The following RANBP3 variants were observed in gnomAD, a reference collection of about 807,000 sequenced individuals.
RANBP3 encodes ran-binding protein 3.
In RANBP3, 14 loss-of-function variants were observed where a neutral mutation model predicts 77.3. That is an observed-to-expected ratio of 0.18 (90% CI 0.12 to 0.28). The LOEUF (loss-of-function observed/expected upper bound fraction) is 0.28, where lower values mean the gene tolerates loss of function less well. RANBP3 is among the 10% of genes least tolerant of loss of function. RANBP3 has a pLI of 1.00. For missense variants in RANBP3, 586 were observed against 752.3 expected (o/e 0.78, Z 2.59); for synonymous variants, 315 against 312.4 (o/e 1.01, Z -0.09).
intron 3 of RANBP3, 88 bp downstream of exon 3, chr19:5,951,305 C>T (rs774322871): frequency 4.9e-6 from 6 of 1,229,836 alleles, no homozygotes; most frequent in Non-Finnish European, 7.0e-6. Context: ...TTAGCTAGGG[C>T]CAGGATCTGA....
chr19:5,928,233 C>A, intron 8 of RANBP3, 146 bp from the exon 9 acceptor site: 2 of 945,848 alleles, frequency 2.1e-6, no homozygotes, highest in Non-Finnish European at 3.1e-6. Context: ...AAGGCTGAGA[C>A]AGGAGGACTG....
At chr19:5,957,868 G>A (rs766743704) in intron 2 of RANBP3, 50 bp downstream of exon 2, 1 of 1,598,220 alleles carries the variant, frequency 6.3e-7, no homozygotes, top group South Asian at 1.1e-5. Context: ...TCAGTAAAGA[G>A]AGAACAAATT....
chr19:5,931,938 G>A (rs1038481008), intron 7 of RANBP3, among the ~76,000 whole-genome samples: 5 of 152,094 alleles, frequency 3.3e-5, no homozygotes, highest in Non-Finnish European at 4.4e-5. Context: ...GGGAGGCTGA[G>A]GTGGGAGGAT....
intron 1 of RANBP3, among the ~76,000 whole-genome samples, chr19:5,961,402 T>G (rs1056907844): frequency 7.2e-6 from 1 of 138,478 alleles, no homozygotes; most frequent in Non-Finnish European, 1.5e-5. Context: ...CAGAGCGAGA[T>G]TCCATCTCAA....
At chr19:5,934,748 C>G (rs1332506220) in intron 5 of RANBP3, among the ~76,000 whole-genome samples, 1 of 152,216 alleles carries the variant, frequency 6.6e-6, no homozygotes, top group Admixed American at 6.5e-5. Context: ...GTGGGAAGAT[C>G]ACTTGAGCCT....
At chr19:5,953,263 C>T (rs1437517284) in intron 2 of RANBP3, among the ~76,000 whole-genome samples, 3 of 152,180 alleles carry the variant, frequency 2.0e-5, no homozygotes, top group African/African-American at 7.2e-5. Context: ...AGCATTTCTC[C>T]TGGGCAGGAA....
chr19:5,944,999 G>A (rs911341367), intron 3 of RANBP3, among the ~76,000 whole-genome samples: 1 of 152,166 alleles, frequency 6.6e-6, no homozygotes, highest in Non-Finnish European at 1.5e-5. Context: ...CTCATCCAGT[G>A]ACGCCCTCCT....
chr19:5,962,694 C>A (rs1270268381), intron 1 of RANBP3: 1 of 456,048 alleles, frequency 2.2e-6, no homozygotes, highest in Non-Finnish European at 4.4e-6. Flanking sequence ...TAGAAATGAG[C>A]TTTAGTCACA....
chr19:5,945,468 G>A (rs1387052244), intron 3 of RANBP3, among the ~76,000 whole-genome samples: 2 of 152,152 alleles, frequency 1.3e-5, no homozygotes, highest in Non-Finnish European at 2.9e-5. Flanking sequence ...CCTAACAAAT[G>A]GCCCCCCATG....
intron 1 of RANBP3, among the ~76,000 whole-genome samples, chr19:5,969,245 A>G (rs2058503193): frequency 6.6e-6 from 1 of 152,228 alleles, no homozygotes; most frequent in Non-Finnish European, 1.5e-5. Context: ...GGCCATCACC[A>G]TCAATGCTGC....
At position 5,924,292 on chromosome 19, in the gene RANBP3, G is replaced by A. The variant is rs567051105; in HGVS notation, c.997-378C>T. On this transcript the variant is annotated intron_variant, in intron 11 of 16. Transcript: ENST00000340578. This position sits in a 1 kb window ranked among gnomAD's most constrained non-coding sequence, Gnocchi z 4.7. The stretch of plus-strand genomic sequence containing the variant: ...GCTCAGGACAGGCCCTCACGCAGTC[G>A]CAATGGAGCTGGGTGGAATCAGGAA... 3.3e-4 allele frequency among the ~76,000 whole-genome samples: 51 copies of A among 152,348 alleles called. No homozygotes were observed. Among genetic ancestry groups the A allele is most frequent in the African/African-American group, 8.9e-4 (37 of 41,578 alleles).
intron 5 of RANBP3, among the ~76,000 whole-genome samples, chr19:5,938,936 G>A (rs2058099155): frequency 1.3e-5 from 2 of 152,034 alleles, no homozygotes; most frequent in African/African-American, 4.8e-5. Context: ...TGTAATTCCA[G>A]TACTTTGGGA....
At chr19:5,940,569 G>A (rs924221651) in intron 5 of RANBP3, among the ~76,000 whole-genome samples, 1 of 152,222 alleles carries the variant, frequency 6.6e-6, no homozygotes, top group Non-Finnish European at 1.5e-5. Flanking sequence ...GGGTGTGGAG[G>A]GGTGACTTGG....
rs571277350 is a variant in RANBP3, at chr19:5,958,922, C to T, written c.23-949G>A. On this transcript the variant is annotated intron_variant, in intron 1 of 16. Coordinates refer to ENST00000340578, the MANE Select transcript of RANBP3 (RefSeq NM_007322.3). The surrounding 1 kb of genome is among the most constrained non-coding windows in gnomAD (Gnocchi z 4.4). ...GCTGCGGGCTGCGCACTGGTGCCTC[C>T]GCGTTGAGCAGGGTTTGGGAAGAGC... Among the ~76,000 whole-genome samples the T allele has an allele frequency of 2.6e-5, 4 of 152,374 alleles. No individual in the cohort carries two copies. Among genetic ancestry groups the T allele is most frequent in the South Asian group, 4.1e-4 (2 of 4,830 alleles).
In RANBP3 at chr19:5,917,516, C is replaced by A. The variant is rs912285962; in HGVS notation, c.*94G>T. Reference sequence around the variant, plus strand: ...CCCAGTGGGGTGTGTGGTTCCCGGCCCCGCACCTGGACGCTGCCGGTGGGG... The same window carrying A: ...CCCAGTGGGGTGTGTGGTTCCCGGCACCGCACCTGGACGCTGCCGGTGGGG... On this transcript the variant is annotated 3_prime_UTR_variant, in exon 17 of 17. Transcript: ENST00000340578. The A allele has an allele frequency of 2.2e-5, 31 of 1,410,684 alleles. No individual in the cohort carries two copies. The highest frequency in any genetic ancestry group is 2.8e-5 in the Non-Finnish European group (30 of 1,056,214). 87.4% of individuals were successfully genotyped at this position (1,410,684 alleles called of 1,614,324 possible).
chr19:5,934,567 C>T (rs538237778), intron 5 of RANBP3: 46 of 152,386 alleles, frequency 3.0e-4, no homozygotes, highest in African/African-American at 1.1e-3. Context: ...GGTGCAGTGG[C>T]TCATGCCTGT....
intron 14 of RANBP3, among the ~76,000 whole-genome samples, chr19:5,919,905 A>AAC (rs893557874): frequency 7.9e-5 from 12 of 151,242 alleles, no homozygotes; most frequent in Admixed American, 3.3e-4. Flanking sequence ...CCGTCTCAAA[A>AAC]AAAAAAAAAA....
chr19:5,921,313 G>A lies in RANBP3; in HGVS notation c.1218C>T (p.Cys406=), dbSNP rs1454232783. ...EAESNVLQMQ[C]KLFVFDKTSQ... Reference sequence around the variant, plus strand: ...AGGTCTTGTCAAAGACAAACAGCTTGCACTGCATCTGGAACACAGTGGCCG... The same window carrying A: ...AGGTCTTGTCAAAGACAAACAGCTTACACTGCATCTGGAACACAGTGGCCG... The change falls in exon 14 of 17, where the codon TGC becomes TGT. Residue 406 remains cysteine (C), a synonymous_variant. Transcript: ENST00000340578. This position sits in a 1 kb window ranked among gnomAD's most constrained non-coding sequence, Gnocchi z 5.3. The A allele has an allele frequency of 6.2e-7, 1 of 1,613,540 alleles. No individual in the cohort carries two copies. Among genetic ancestry groups the A allele is most frequent in the Admixed American group, 1.7e-5 (1 of 60,012 alleles).
intron 1 of RANBP3, among the ~76,000 whole-genome samples, chr19:5,971,830 C>G (rs2058533978): frequency 6.6e-6 from 1 of 152,126 alleles, no homozygotes; most frequent in Admixed American, 6.5e-5. Flanking sequence ...ACCCAAATAC[C>G]AACCAAGGTC....
Sources: gnomAD v4.1 joint callset for allele counts (sites outside exome capture counted in the v4.1 genomes callset) on GRCh38, gnomAD v4.1.1 for gene constraint, Gnocchi (gnomAD v3.1) non-coding constraint, MANE v1.5 for transcripts, NCBI Gene and HGNC (gene_info 2026-07-23, HGNC 2026-07-21) for gene names.